The following DGKB variants were observed in gnomAD, a reference collection of about 807,000 sequenced individuals.
DGKB encodes diacylglycerol kinase beta, also known as 90 kDa diacylglycerol kinase.
In DGKB, 67 loss-of-function variants were observed where a neutral mutation model predicts 114.3. That is an observed-to-expected ratio of 0.59 (90% CI 0.48 to 0.72). The LOEUF (loss-of-function observed/expected upper bound fraction) is 0.72, where lower values mean the gene tolerates loss of function less well. DGKB is among the 30% of genes least tolerant of loss of function. The pLI is 0.00. For synonymous variants in DGKB, 398 were observed against 323.1 expected (o/e 1.23, Z -2.49); for missense variants, 907 against 975.2 (o/e 0.93, Z 0.93).
At chr7:14,875,127 T>C (rs1448800589) in intron 1 of DGKB, among the ~76,000 whole-genome samples, 1 of 152,014 alleles carries the variant, frequency 6.6e-6, no homozygotes, top group Non-Finnish European at 1.5e-5. Flanking sequence ...ATAGGGAGAA[T>C]ACCAAAATAA....
At chr7:14,490,414 A>T (rs781746352) in intron 20 of DGKB, among the ~76,000 whole-genome samples, 4 of 152,158 alleles carry the variant, frequency 2.6e-5, no homozygotes, top group Non-Finnish European at 5.9e-5. Context: ...AGCATAGTTT[A>T]TTTATTTGCA....
At chr7:14,164,700 G>A (rs572647266) in intron 25 of DGKB, among the ~76,000 whole-genome samples, 37 of 152,178 alleles carry the variant, frequency 2.4e-4, no homozygotes, top group African/African-American at 7.9e-4. Flanking sequence ...CACTTTGGCC[G>A]AATTTCAAAG....
intron 21 of DGKB, among the ~76,000 whole-genome samples, chr7:14,471,141 TC>T (rs1435669699): frequency 1.3e-5 from 2 of 149,678 alleles, no homozygotes; most frequent in East Asian, 4.0e-4. Flanking sequence ...ATTTTTCTAT[TC>T]TTAGAAATGA....
At chr7:14,725,138 T>A (rs1406348976) in intron 5 of DGKB, among the ~76,000 whole-genome samples, 1 of 152,082 alleles carries the variant, frequency 6.6e-6, no homozygotes, top group Non-Finnish European at 1.5e-5. Flanking sequence ...ACCACTGCAG[T>A]CTGGGCAACA....
intron 16 of DGKB, among the ~76,000 whole-genome samples, chr7:14,611,156 T>C (rs1419552201): frequency 1.3e-5 from 2 of 152,130 alleles, no homozygotes; most frequent in Admixed American, 6.6e-5. Context: ...TAAAGACTTC[T>C]TGGTCTTCAG....
intron 7 of DGKB, among the ~76,000 whole-genome samples, chr7:14,698,571 T>G (rs183496068): frequency 1.2e-4 from 18 of 152,232 alleles, no homozygotes; most frequent in Non-Finnish European, 2.6e-4. Context: ...AACTGAGAAG[T>G]CTATTTTTAT....
At chr7:14,536,777 G>T (rs1420737557) in intron 20 of DGKB, among the ~76,000 whole-genome samples, 1 of 151,998 alleles carries the variant, frequency 6.6e-6, no homozygotes, top group Admixed American at 6.6e-5. Context: ...AGGCAAGGAT[G>T]CTCATTCTCA....
chr7:14,913,655 G>T (rs574136514), intron 1 of DGKB, among the ~76,000 whole-genome samples: 1 of 151,970 alleles, frequency 6.6e-6, no homozygotes, highest in East Asian at 1.9e-4. Flanking sequence ...GAAATGGGAA[G>T]AAAATGACAC....
At chr7:14,550,108 G>GT (rs1794897750) in intron 20 of DGKB, among the ~76,000 whole-genome samples, 1 of 151,860 alleles carries the variant, frequency 6.6e-6, no homozygotes, top group Admixed American at 6.6e-5. Context: ...CTAGTTTGGG[G>GT]TTTTAAGTAT....
chr7:14,274,084 T>C (rs1055713120), intron 23 of DGKB, among the ~76,000 whole-genome samples: 1 of 152,196 alleles, frequency 6.6e-6, no homozygotes. Flanking sequence ...AGTTCATAAG[T>C]TGCTTTGCTC....
chr7:14,772,674 A>G (rs1420789763), intron 2 of DGKB, among the ~76,000 whole-genome samples: 1 of 152,204 alleles, frequency 6.6e-6, no homozygotes. Context: ...TGACACCAAG[A>G]AAGTGAATGG....
At chr7:14,789,705 T>G (rs1840394421) in intron 2 of DGKB, among the ~76,000 whole-genome samples, 1 of 145,082 alleles carries the variant, frequency 6.9e-6, no homozygotes, top group Admixed American at 6.8e-5. Flanking sequence ...CAGGTGCATG[T>G]TACCACATCT....
chr7:14,564,605 A>T (rs548720054), intron 20 of DGKB, among the ~76,000 whole-genome samples: 1 of 152,210 alleles, frequency 6.6e-6, no homozygotes, highest in African/African-American at 2.4e-5. Flanking sequence ...TATTAAATGG[A>T]ATTTAAAAAT....
At chr7:14,944,053 T>C (rs1431410862) in intron 1 of DGKB, among the ~76,000 whole-genome samples, 1 of 151,912 alleles carries the variant, frequency 6.6e-6, no homozygotes, top group Non-Finnish European at 1.5e-5. Context: ...AAGCTCATCA[T>C]CGATCCCATT....
chr7:14,752,151 A>C (rs1389570845), intron 4 of DGKB, among the ~76,000 whole-genome samples: 4 of 152,136 alleles, frequency 2.6e-5, no homozygotes, highest in African/African-American at 9.7e-5. Context: ...TACTTTCCTT[A>C]TCCTTTCCAT....
intron 21 of DGKB, among the ~76,000 whole-genome samples, chr7:14,477,338 C>T (rs571627610): frequency 3.2e-4 from 48 of 152,180 alleles, no homozygotes; most frequent in South Asian, 4.1e-4. Context: ...CCAAATGCAG[C>T]GACAATAAAG....
chr7:14,492,774 C>A (rs997168864), intron 20 of DGKB, among the ~76,000 whole-genome samples: 35 of 152,004 alleles, frequency 2.3e-4, no homozygotes, highest in Admixed American at 2.6e-4. Context: ...AATTTAAATC[C>A]TTTTGATAGC....
chr7:14,939,050 C>G (rs1562889736), intron 1 of DGKB, among the ~76,000 whole-genome samples: 2 of 147,954 alleles, frequency 1.4e-5, no homozygotes, highest in South Asian at 2.1e-4. Context: ...AGACCATAAG[C>G]CTTTCTCTAT....
At chr7:14,544,487 CTTAAA>C (rs1216787951) in intron 20 of DGKB, among the ~76,000 whole-genome samples, 1 of 152,066 alleles carries the variant, frequency 6.6e-6, no homozygotes, top group African/African-American at 2.4e-5. Flanking sequence ...TCTCATTTAA[CTTAAA>C]TTACTTATTA....
Sources: gnomAD v4.1 joint callset for allele counts (sites outside exome capture counted in the v4.1 genomes callset) on GRCh38, gnomAD v4.1.1 for gene constraint, MANE v1.5 for transcripts, NCBI Gene and HGNC (gene_info 2026-07-23, HGNC 2026-07-21) for gene names.